The following AGBL1 variants were observed in gnomAD, a reference collection of about 807,000 sequenced individuals.
AGBL1 encodes the protein AGBL carboxypeptidase 1, also known as cytosolic carboxypeptidase 4.
In AGBL1, 130 loss-of-function variants were observed where a neutral mutation model predicts 118.9. The observed-to-expected ratio is 1.09, with a 90% CI of 0.95 to 1.26. The LOEUF (loss-of-function observed/expected upper bound fraction) is 1.26. Among genes scored for constraint, AGBL1 ranks in the 50% most tolerant of loss-of-function variants. The pLI is 0.00. For synonymous variants in AGBL1, 555 were observed against 478.9 expected, an observed-to-expected ratio of 1.16 and a Z score of -2.08; for missense variants, 1,584 against 1,298.1, an observed-to-expected ratio of 1.22 and a Z score of -3.38.
intron 22 of AGBL1, among the ~76,000 whole-genome samples, chr15:86,699,828 C>G (rs1311923230): frequency 6.6e-6 from 1 of 151,974 alleles, no homozygotes. Flanking sequence ...TTCCTTGTAA[C>G]TAATAGCTAT....
intron 7 of AGBL1, among the ~76,000 whole-genome samples, chr15:86,253,398 GCAC>G (rs67182065): frequency 0.03 from 4,619 of 152,150 alleles, 246 homozygotes; most frequent in African/African-American, 0.11. Context: ...TTACAGCCAT[GCAC>G]CACAATGCCT....
intron 23 of AGBL1, among the ~76,000 whole-genome samples, chr15:86,964,510 G>A (rs1423675392): frequency 2.0e-5 from 3 of 151,892 alleles, no homozygotes; most frequent in Non-Finnish European, 2.9e-5. Flanking sequence ...TAGGTCCGTA[G>A]GATCCTTAAA....
chr15:86,294,215 T>C (rs1363736513), intron 16 of AGBL1, among the ~76,000 whole-genome samples: 2 of 151,956 alleles, frequency 1.3e-5, no homozygotes, highest in Non-Finnish European at 2.9e-5. Flanking sequence ...CTGGCCAATA[T>C]GGCAAAACCC....
chr15:86,134,484 G>T (rs1267550134), intron 1 of AGBL1, among the ~76,000 whole-genome samples: 2 of 152,102 alleles, frequency 1.3e-5, no homozygotes, highest in African/African-American at 4.8e-5. Context: ...AGTGCGAGGG[G>T]ATGGACTGTT....
chr15:86,857,264 A>C (rs1386341489), intron 22 of AGBL1, among the ~76,000 whole-genome samples: 3 of 152,176 alleles, frequency 2.0e-5, no homozygotes, highest in African/African-American at 7.2e-5. Context: ...AGTGAACTTA[A>C]AAACTGCAAA....
chr15:86,232,729 A>G (rs2078476445), intron 6 of AGBL1, among the ~76,000 whole-genome samples: 1 of 151,948 alleles, frequency 6.6e-6, no homozygotes, highest in South Asian at 2.1e-4. Context: ...ACGTCTCCCC[A>G]TTTCCCCTCT....
intron 22 of AGBL1, among the ~76,000 whole-genome samples, chr15:86,816,669 T>C (rs2078861993): frequency 6.6e-6 from 1 of 151,660 alleles, no homozygotes; most frequent in South Asian, 2.1e-4. Flanking sequence ...AAAGATGTAG[T>C]AAAAAAAACA....
Position 86,827,316 on chromosome 15 carries a change from T to TAC in AGBL1, c.3159-79763_3159-79762dup, listed in dbSNP as rs1174519239. Among the ~76,000 whole-genome samples, 4 of 10,198 alleles carry TAC rather than the reference T, an allele frequency of 3.9e-4. 1 individual carries two copies. Among genetic ancestry groups the TAC allele is most frequent in the African/African-American group, 2.9e-3 (4 of 1,374 alleles). 6.7% of individuals were successfully genotyped at this position (10,198 alleles called of 152,430 possible). A position where few individuals can be genotyped will look rare whatever the true frequency, so the allele number is the denominator to read the frequency against. On this transcript the variant is annotated intron_variant, in intron 22 of 22. Transcript: ENST00000614907. ...GTATATATATATGTATATATATATA[T>TAC]ACACACACATATATATATATATGTG...
chr15:86,552,019 G>A (rs2083670178), intron 20 of AGBL1, among the ~76,000 whole-genome samples: 1 of 152,140 alleles, frequency 6.6e-6, no homozygotes, highest in South Asian at 2.1e-4. Flanking sequence ...GGGATTCTTA[G>A]GGCAGTAAAA....
intron 22 of AGBL1, among the ~76,000 whole-genome samples, chr15:86,850,199 C>A (rs2079386521): frequency 6.7e-6 from 1 of 148,252 alleles, no homozygotes; most frequent in South Asian, 2.2e-4. Context: ...TCAAAAGGGA[C>A]AGTCATTTTC....
intron 21 of AGBL1, among the ~76,000 whole-genome samples, chr15:86,591,659 G>A (rs2084337414): frequency 6.6e-6 from 1 of 152,146 alleles, no homozygotes; most frequent in African/African-American, 2.4e-5. Context: ...CTCTCTAGGT[G>A]GGCCACCTTC....
intron 22 of AGBL1, among the ~76,000 whole-genome samples, chr15:86,726,147 T>C (rs2086815374): frequency 6.6e-6 from 1 of 152,210 alleles, no homozygotes; most frequent in African/African-American, 2.4e-5. Context: ...CATTAACTTA[T>C]TAGATGCCAT....
chr15:86,929,355 G>A (rs2080579966), intron 23 of AGBL1, among the ~76,000 whole-genome samples: 1 of 152,102 alleles, frequency 6.6e-6, no homozygotes, highest in Admixed American at 6.6e-5. Context: ...TGATTATCAA[G>A]GAAACAGTTT....
At chr15:86,669,862 G>GATC (rs1567113195) in intron 21 of AGBL1, among the ~76,000 whole-genome samples, 1 of 152,074 alleles carries the variant, frequency 6.6e-6, no homozygotes, top group Non-Finnish European at 1.5e-5. Context: ...GGGGTCTGAG[G>GATC]ATCATCACCT....
At chr15:86,158,482 A>C (rs1477848198) in intron 4 of AGBL1, among the ~76,000 whole-genome samples, 8 of 152,198 alleles carry the variant, frequency 5.3e-5, no homozygotes, top group Admixed American at 3.9e-4. Flanking sequence ...ACATGAGCAG[A>C]GCTCTACCTA....
At chr15:86,964,029 C>CTGTG (rs1247496067) in intron 23 of AGBL1, among the ~76,000 whole-genome samples, 211 of 136,354 alleles carry the variant, frequency 1.5e-3, no homozygotes, top group African/African-American at 5.9e-3. Flanking sequence ...CTCTCTCTCT[C>CTGTG]TCTGTGTGTG....
chr15:86,509,024 C>T (rs7165510), intron 18 of AGBL1, among the ~76,000 whole-genome samples: 65,978 of 151,542 alleles, frequency 0.44, 15,388 homozygotes, highest in East Asian at 0.68. Context: ...AAAAGACAGG[C>T]TTGTTCGTCA....
chr15:86,137,883 C>T (rs1473024709), intron 1 of AGBL1, among the ~76,000 whole-genome samples: 1 of 152,118 alleles, frequency 6.6e-6, no homozygotes, highest in Non-Finnish European at 1.5e-5. Flanking sequence ...GGCCACAGGT[C>T]AAACCAATTT....
chr15:86,988,943 G>A (rs907680343), intron 24 of AGBL1, among the ~76,000 whole-genome samples: 4 of 149,538 alleles, frequency 2.7e-5, no homozygotes, highest in Non-Finnish European at 4.4e-5. Flanking sequence ...AAAATATTGA[G>A]TGAAAATGAT....
Sources: gnomAD v4.1 joint callset for allele counts (sites outside exome capture counted in the v4.1 genomes callset) on GRCh38, gnomAD v4.1.1 for gene constraint, MANE v1.5 for transcripts, NCBI Gene and HGNC (gene_info 2026-07-23, HGNC 2026-07-21) for gene names.